PPP1R2: variants seen among roughly 807,000 people sequenced by gnomAD.
PPP1R2 encodes the protein protein phosphatase 1 regulatory inhibitor subunit 2, also known as protein phosphatase inhibitor 2.
A neutral mutation model predicts 29.9 loss-of-function variants in PPP1R2; 16 were observed. The ratio of observed to expected loss-of-function variants is 0.53; its 90% CI spans 0.36 to 0.81. The LOEUF (loss-of-function observed/expected upper bound fraction) is 0.81, where lower values mean the gene tolerates loss of function less well. PPP1R2 is among the 30% of genes least tolerant of loss of function. PPP1R2 has a pLI of 0.00. For missense variants in PPP1R2, 197 were observed against 252.7 expected, an observed-to-expected ratio of 0.78 and a Z score of 1.49; for synonymous variants, 76 against 91.5, an observed-to-expected ratio of 0.83 and a Z score of 0.96.
intron 5 of PPP1R2, among the ~76,000 whole-genome samples, chr3:195,517,495 A>C (rs1265795919): frequency 6.6e-6 from 1 of 152,210 alleles, no homozygotes; most frequent in East Asian, 1.9e-4. Flanking sequence ...TATAATGCTA[A>C]GCAGGATATA....
intron 1 of PPP1R2, among the ~76,000 whole-genome samples, chr3:195,541,455 CTTTTTT>C (rs553981950): frequency 1.0e-5 from 1 of 99,304 alleles, no homozygotes; most frequent in Admixed American, 1.2e-4. Flanking sequence ...CTTTTCTTTC[CTTTTTT>C]TTTTTTTTTT....
chr3:195,522,770 T>C (rs1282616703), intron 4 of PPP1R2, among the ~76,000 whole-genome samples: 1 of 152,180 alleles, frequency 6.6e-6, no homozygotes, highest in African/African-American at 2.4e-5. Flanking sequence ...GACTAGTAAA[T>C]GATATCTTAG....
At chr3:195,542,366 G>A (rs1230439991) in intron 1 of PPP1R2, among the ~76,000 whole-genome samples, 1 of 152,148 alleles carries the variant, frequency 6.6e-6, no homozygotes, top group East Asian at 1.9e-4. Context: ...TCTTTGAACT[G>A]TTTTGAGCTT....
Position 195,515,800 on chromosome 3 carries a change from T to A in PPP1R2, c.*1096A>T, listed in dbSNP as rs1376050407. ...AGTTAGTTGTTTTCTTAAGTCTAAT[T>A]AATCCAAACTAATAATAGCCATTTA... On this transcript the variant is annotated 3_prime_UTR_variant, in exon 6 of 6. Transcript: ENST00000618156. 1.3e-5 allele frequency: 2 copies of A among 152,114 alleles called. No homozygotes were observed. Among genetic ancestry groups the A allele is most frequent in the Non-Finnish European group, 2.9e-5 (2 of 67,976 alleles). 9.4% of individuals were successfully genotyped at this position (152,114 alleles called of 1,614,324 possible).
chr3:195,542,780 G>A lies in PPP1R2; in HGVS notation c.122+124C>T, dbSNP rs1188876383. 3 of 1,188,438 alleles carry A rather than the reference G, an allele frequency of 2.5e-6. No homozygotes were observed. In the East Asian group the frequency reaches 9.0e-5, roughly 36 times the overall value. The allele number at this position is 1,188,438 out of a possible 1,614,324, so 73.6% of individuals were successfully genotyped here. ...ATCGCTCCCACCCGCGGCTAGCCGG[G>A]CAGGAGAAGAGACTCGAGCGGCACC... On this transcript the variant is annotated intron_variant, in intron 1 of 5. Coordinates refer to ENST00000618156, the MANE Select transcript of PPP1R2 (RefSeq NM_006241.8).
intron 1 of PPP1R2, among the ~76,000 whole-genome samples, chr3:195,537,484 TGTGTGTGTGTG>T: frequency 8.5e-6 from 1 of 117,950 alleles, no homozygotes; most frequent in Non-Finnish European, 1.8e-5. Context: ...TTAGCTATTG[TGTGTGTGTGTG>T]TGTGTGTGTG....
chr3:195,520,349 A>G (rs1718708818), intron 4 of PPP1R2, among the ~76,000 whole-genome samples: 1 of 152,180 alleles, frequency 6.6e-6, no homozygotes, highest in African/African-American at 2.4e-5. Flanking sequence ...AAATATTTCA[A>G]TGTCAAAAAT....
intron 1 of PPP1R2, among the ~76,000 whole-genome samples, chr3:195,541,687 CT>C (rs1189083887): frequency 6.6e-6 from 1 of 152,088 alleles, no homozygotes; most frequent in Non-Finnish European, 1.5e-5. Context: ...ACACATCACA[CT>C]CCCCCAGCAC....
chr3:195,521,914 G>C (rs567102991), intron 4 of PPP1R2, among the ~76,000 whole-genome samples: 3 of 152,260 alleles, frequency 2.0e-5, no homozygotes, highest in East Asian at 3.9e-4. Context: ...GCCTCCCAAA[G>C]TGCTGGGATT....
In PPP1R2 at chr3:195,532,077, CTAGAG is replaced by C. The variant is rs755872827; in HGVS notation, c.123-2181_123-2177del. Among the ~76,000 whole-genome samples, 48 of 152,196 alleles carry C rather than the reference CTAGAG, an allele frequency of 3.2e-4. No homozygotes were observed. The Middle Eastern group carries it at 0.014, about 43-fold the overall frequency. On this transcript the variant is annotated intron_variant, in intron 1 of 5. Coordinates refer to ENST00000618156, the MANE Select transcript of PPP1R2 (RefSeq NM_006241.8). Reference sequence around the variant, plus strand: ...GAGACTGGGTCTCTGTCACCCCAGGCTAGAGTAAAGTGGCATGATCATAGTTCACT... The same window carrying C: ...GAGACTGGGTCTCTGTCACCCCAGGCTAAAGTGGCATGATCATAGTTCACT...
At position 195,516,666 on chromosome 3, in the gene PPP1R2, T is replaced by C; in HGVS notation, c.*230A>G. On this transcript the variant is annotated 3_prime_UTR_variant, in exon 6 of 6. Transcript: ENST00000618156. ...TTACAAAAGTAATGCAGTTTTGGAC[T>C]GATGATATTACACTGTATTTGTGGT... The C allele has an allele frequency of 2.2e-6, 1 of 454,000 alleles. No homozygotes were observed. The highest frequency in any genetic ancestry group is 3.9e-6 in the Non-Finnish European group (1 of 253,398). The allele number at this position is 454,000 out of a possible 1,614,324, so 28.1% of individuals were successfully genotyped here. A position where few individuals can be genotyped will look rare whatever the true frequency, so the allele number is the denominator to read the frequency against.
intron 4 of PPP1R2, chr3:195,519,407 C>G (rs924823900): frequency 1.2e-4 from 53 of 433,634 alleles, no homozygotes; most frequent in African/African-American, 9.7e-4. Context: ...AATGGAAGAA[C>G]AAGAATATAT....
In PPP1R2 at chr3:195,529,853, A is replaced by G; in HGVS notation, c.171T>C (p.His57=). The stretch of plus-strand genomic sequence containing the variant: ...TTAAACCATAGTCTTTGTCTGCTGG[A>G]TGATACGTCGCCAAGATGTTCATTT... ...WDEMNILATY[H]PADKDYGLMK... is the part of the protein sequence containing the mutation. Residue 57 remains histidine (H), a synonymous_variant, in exon 2 of 6, where the codon CAT becomes CAC. Transcript: ENST00000618156. The G allele has an allele frequency of 6.2e-7, 1 of 1,612,020 alleles. No homozygotes were observed. Among genetic ancestry groups the G allele is most frequent in the East Asian group, 2.2e-5 (1 of 44,808 alleles).
At chr3:195,539,305 G>A (rs531309505) in intron 1 of PPP1R2, among the ~76,000 whole-genome samples, 17 of 152,344 alleles carry the variant, frequency 1.1e-4, no homozygotes, top group African/African-American at 3.8e-4. Context: ...ATGCTGTGGT[G>A]CAATGTACTG....
chr3:195,530,988 A>G (rs1719159085), intron 1 of PPP1R2, among the ~76,000 whole-genome samples: 1 of 150,458 alleles, frequency 6.6e-6, no homozygotes, highest in African/African-American at 2.5e-5. Flanking sequence ...ACACCTGGCT[A>G]ATTTTTGTAT....
intron 2 of PPP1R2, 156 bp downstream of exon 2, chr3:195,529,638 C>A: frequency 5.7e-6 from 3 of 522,712 alleles, no homozygotes; most frequent in Non-Finnish European, 1.0e-5. Context: ...TCACTTAAAC[C>A]ATTACTAAAC....
chr3:195,539,185 C>G (rs1172698271), intron 1 of PPP1R2, among the ~76,000 whole-genome samples: 1 of 152,212 alleles, frequency 6.6e-6, no homozygotes, highest in Non-Finnish European at 1.5e-5. Flanking sequence ...TATGTACTCA[C>G]TAGGCCTGCT....
Position 195,530,000 on chromosome 3 carries a change from T to C in PPP1R2, c.123-99A>G, listed in dbSNP as rs1017757436. On this transcript the variant is annotated intron_variant, in intron 1 of 5. Transcript: ENST00000618156. ...CCAAATTTAACATTTCAACTTCTAT[T>C]TGATGGCCAACCTCTATTTTCACAT... The C allele has an allele frequency of 7.4e-6, 6 of 808,020 alleles. No individual in the cohort carries two copies. The African/African-American group carries it at 8.7e-5, about 12-fold the overall frequency. The allele number at this position is 808,020 out of a possible 1,614,324, so 50.1% of individuals were successfully genotyped here. A position where few individuals can be genotyped will look rare whatever the true frequency, so the allele number is the denominator to read the frequency against.
intron 5 of PPP1R2, among the ~76,000 whole-genome samples, chr3:195,518,401 C>T (rs960533883): frequency 2.5e-4 from 38 of 152,226 alleles, no homozygotes; most frequent in African/African-American, 8.7e-4. Context: ...CCTGTAATCC[C>T]AGCACTTTGG....
Sources: gnomAD v4.1 joint callset for allele counts (sites outside exome capture counted in the v4.1 genomes callset) on GRCh38, gnomAD v4.1.1 for gene constraint, MANE v1.5 for transcripts, NCBI Gene and HGNC (gene_info 2026-07-23, HGNC 2026-07-21) for gene names.